Variants in CLYBL observed in about 807,000 individuals in gnomAD.
CLYBL encodes the protein citramalyl-CoA lyase, mitochondrial.
A neutral mutation model predicts 38.9 loss-of-function variants in CLYBL; 31 were observed. That is an observed-to-expected ratio of 0.80 (90% CI 0.60 to 1.08). The LOEUF is 1.08. CLYBL is among the 50% of genes least tolerant of loss of function. The pLI, the probability that CLYBL is intolerant of heterozygous loss-of-function variation, is 0.00. For missense variants in CLYBL, 434 were observed against 411.6 expected (o/e 1.05, Z -0.47); for synonymous variants, 171 against 158.6 (o/e 1.08, Z -0.59).
intron 2 of CLYBL, among the ~76,000 whole-genome samples, chr13:99,820,042 C>T (rs1228581091): frequency 8.5e-5 from 13 of 152,192 alleles, no homozygotes; most frequent in Admixed American, 8.5e-4. Flanking sequence ...CCCAGCTTCC[C>T]TAAAGCAGAC....
rs35512772 is a variant in CLYBL, at chr13:99,876,420, CAAA to C, written c.927+5377_927+5379del. 8.4e-4 allele frequency among the ~76,000 whole-genome samples: 59 copies of C among 70,106 alleles called. 1 individual carries two copies. Among genetic ancestry groups the C allele is most frequent in the African/African-American group, 2.5e-3 (55 of 22,412 alleles). The allele number at this position is 70,106 out of a possible 152,430, so 46.0% of individuals were successfully genotyped here. A position where few individuals can be genotyped will look rare whatever the true frequency, so the allele number is the denominator to read the frequency against. The stretch of plus-strand genomic sequence containing the variant: ...TGGGTGACAGAACAAGACTCCGTCT[CAAA>C]AAAAAAAAAAAAAAAAAAGAGTGTT... On this transcript the variant is annotated intron_variant, in intron 7 of 8. Transcript: ENST00000339105.
intron 2 of CLYBL, among the ~76,000 whole-genome samples, chr13:99,840,252 TA>T (rs35149509): frequency 0.81 from 117,388 of 145,748 alleles, 47,068 homozygotes; most frequent in South Asian, 0.87. Flanking sequence ...CTCCTTTCCT[TA>T]AAAAAAAAAA....
intron 1 of CLYBL, among the ~76,000 whole-genome samples, chr13:99,639,849 A>G (rs1187555746): frequency 1.3e-5 from 2 of 152,232 alleles, no homozygotes; most frequent in East Asian, 3.8e-4. Flanking sequence ...GTGAGCCATG[A>G]TTGTACCAGT....
intron 1 of CLYBL, among the ~76,000 whole-genome samples, chr13:99,676,670 T>C (rs1336328757): frequency 6.6e-6 from 1 of 151,992 alleles, no homozygotes; most frequent in East Asian, 1.9e-4. Flanking sequence ...CTCGACTTAC[T>C]GCAACCTGCA....
intron 2 of CLYBL, among the ~76,000 whole-genome samples, chr13:99,842,674 A>G (rs956239816): frequency 3.3e-5 from 5 of 151,964 alleles, no homozygotes; most frequent in Non-Finnish European, 7.4e-5. Flanking sequence ...GTGGGTGTGC[A>G]CAGGAAATGG....
chr13:99,644,165 GTGTATGTATGTACATGTGTA>G (rs2047139558), intron 1 of CLYBL, among the ~76,000 whole-genome samples: 1 of 140,330 alleles, frequency 7.1e-6, no homozygotes, highest in Admixed American at 7.2e-5. Flanking sequence ...TGTATATGTG[GTGTATGTATGTACATGTGTA>G]TGTATGTATA....
rs1039799126 is a variant in CLYBL, at chr13:99,749,831, A to T, written c.63-22993A>T. Reference sequence around the variant, plus strand: ...ATGGAAAGCTCCCCTTTCTCCTTGCATGGTTGCCATAGTAACCAAAAAAAA... The same window carrying T: ...ATGGAAAGCTCCCCTTTCTCCTTGCTTGGTTGCCATAGTAACCAAAAAAAA... On this transcript the variant is annotated intron_variant, in intron 1 of 8. Transcript: ENST00000339105. 2.3e-4 allele frequency among the ~76,000 whole-genome samples: 35 copies of T among 152,194 alleles called. 1 individual carries two copies. The highest frequency in any genetic ancestry group is 7.5e-4 in the African/African-American group (31 of 41,482).
chr13:99,660,325 G>A (rs1238665288), intron 1 of CLYBL, among the ~76,000 whole-genome samples: 1 of 152,154 alleles, frequency 6.6e-6, no homozygotes, highest in African/African-American at 2.4e-5. Context: ...TTATTCCTCT[G>A]TCGGTCATCC....
chr13:99,636,623 A>G (rs1386896498), intron 1 of CLYBL, among the ~76,000 whole-genome samples: 1 of 152,112 alleles, frequency 6.6e-6, no homozygotes, highest in Non-Finnish European at 1.5e-5. Context: ...CCCTCCTTTT[A>G]GAGAGAGATC....
At chr13:99,847,939 TC>T (rs2051245435) in intron 2 of CLYBL, among the ~76,000 whole-genome samples, 1 of 152,216 alleles carries the variant, frequency 6.6e-6, no homozygotes, top group African/African-American at 2.4e-5. Context: ...CCCCTGCCCT[TC>T]AGGGCTCTCC....
chr13:99,908,988 A>G (rs945624897), exon 10 of CLYBL, among the ~76,000 whole-genome samples: 60 of 152,220 alleles, frequency 3.9e-4, no homozygotes, highest in Non-Finnish European at 4.3e-4. Flanking sequence ...ACAAAAAACA[A>G]CTCAAATTCA....
chr13:99,794,423 G>T (rs935170606), intron 2 of CLYBL, among the ~76,000 whole-genome samples: 10 of 151,852 alleles, frequency 6.6e-5, no homozygotes, highest in African/African-American at 2.4e-4. Flanking sequence ...TCCATCTCAA[G>T]AAAAAAGATT....
intron 1 of CLYBL, among the ~76,000 whole-genome samples, chr13:99,726,049 G>A (rs1266520342): frequency 3.9e-5 from 6 of 152,154 alleles, no homozygotes; most frequent in African/African-American, 1.4e-4. Context: ...ATATGTTTAT[G>A]TAAACACATT....
At chr13:99,646,831 G>A (rs2047184263) in intron 1 of CLYBL, among the ~76,000 whole-genome samples, 1 of 152,002 alleles carries the variant, frequency 6.6e-6, no homozygotes, top group Non-Finnish European at 1.5e-5. Context: ...GCTGGTTACA[G>A]AAATCTTAAT....
chr13:99,894,785 C>T (rs1349330842), downstream of CLYBL: 1 of 124,746 alleles, frequency 8.0e-6, no homozygotes, highest in Non-Finnish European at 1.6e-5. Flanking sequence ...TTACTGAGGT[C>T]TTAATGACAA....
chr13:99,899,730 A>T (rs2052620334), downstream of CLYBL, among the ~76,000 whole-genome samples: 1 of 152,254 alleles, frequency 6.6e-6, no homozygotes, highest in Non-Finnish European at 1.5e-5. Context: ...AAAGAGGAAA[A>T]ACTAATAAAT....
Position 99,648,147 on chromosome 13 carries a change from C to CG in CLYBL, c.62+41397dup, listed in dbSNP as rs981537829. Among the ~76,000 whole-genome samples, 16 of 151,732 alleles carry CG rather than the reference C, an allele frequency of 1.1e-4. No individual in the cohort carries two copies. In the South Asian group the frequency reaches 1.7e-3, roughly 16 times the overall value. ...CACAGACAAATAAAGAAAGTATGTTCGGGGGGGAAAAATCCTTTTTAAAAA... is the reference window on the plus strand; with the variant it reads ...CACAGACAAATAAAGAAAGTATGTTCGGGGGGGGAAAAATCCTTTTTAAAAA... On this transcript the variant is annotated intron_variant, in intron 1 of 8. Coordinates refer to ENST00000339105, the MANE Select transcript of CLYBL (RefSeq NM_206808.5).
chr13:99,635,605 G>C (rs1374024041), intron 1 of CLYBL, among the ~76,000 whole-genome samples: 2 of 152,166 alleles, frequency 1.3e-5, no homozygotes, highest in African/African-American at 4.8e-5. Flanking sequence ...CTATGTCCTA[G>C]AAGCCTTACC....
chr13:99,659,041 GT>G (rs1236514516), intron 1 of CLYBL, among the ~76,000 whole-genome samples: 1 of 152,148 alleles, frequency 6.6e-6, no homozygotes, highest in African/African-American at 2.4e-5. Context: ...ATTTTTTGAA[GT>G]GAAAGGTCTA....
Sources: gnomAD v4.1 joint callset for allele counts (sites outside exome capture counted in the v4.1 genomes callset) on GRCh38, gnomAD v4.1.1 for gene constraint, MANE v1.5 for transcripts, NCBI Gene and HGNC (gene_info 2026-07-23, HGNC 2026-07-21) for gene names.